Variants in SLC6A13 observed in about 807,000 individuals in gnomAD.
SLC6A13 encodes solute carrier family 6 member 13.
Under a neutral mutation model 72.9 loss-of-function variants are expected in SLC6A13, and 69 were observed. The observed-to-expected ratio is 0.95, with a 90% CI of 0.78 to 1.16. The LOEUF (loss-of-function observed/expected upper bound fraction) is 1.16. Ranked by LOEUF, SLC6A13 falls within the 50% of genes most tolerant of loss-of-function variation. SLC6A13 has a pLI of 0.00. For synonymous variants in SLC6A13, 303 were observed against 303.0 expected, an observed-to-expected ratio of 1.00 and a Z score of 0.00; for missense variants, 735 against 760.5, an observed-to-expected ratio of 0.97 and a Z score of 0.39.
chr12:250,558 ATACT>A (rs1942497957), intron 2 of SLC6A13, among the ~76,000 whole-genome samples: 1 of 152,284 alleles, frequency 6.6e-6, no homozygotes, highest in South Asian at 2.1e-4. Flanking sequence ...AAAATATTAA[ATACT>A]TAGGAATAAA....
In SLC6A13 at chr12:223,143, G is replaced by A. The variant is rs1941286545; in HGVS notation, c.1403C>T (p.Ala468Val). 3.1e-6 allele frequency: 5 copies of A among 1,610,606 alleles called. No homozygotes were observed. The highest frequency in any genetic ancestry group is 4.2e-6 in the Non-Finnish European group (5 of 1,176,814). ...FVAIFESLCV[A>V]WVYGAKRFYD... ...GAGGAGTCACTCACCGTAAACCCAA[G>A]CCACACAGAGGGACTCGAAGATGGC... The change falls in exon 12 of 15, where the codon GCT becomes GTT. Residue 468 changes from alanine to valine, a missense_variant. Transcript: ENST00000343164.
intron 3 of SLC6A13, 78 bp from the exon 4 acceptor site, chr12:242,832 G>A (rs1285377483): frequency 1.4e-5 from 19 of 1,378,724 alleles, no homozygotes; most frequent in Admixed American, 6.2e-5. Context: ...TATGCGGGAC[G>A]CTGAGGTGAG....
chr12:252,492 T>C (rs1942588987), intron 2 of SLC6A13, among the ~76,000 whole-genome samples: 1 of 152,216 alleles, frequency 6.6e-6, no homozygotes, highest in Non-Finnish European at 1.5e-5. Flanking sequence ...GTGTGGTTTA[T>C]TGTAAGTTAA....
chr12:244,615 G>C (rs1251429656), intron 2 of SLC6A13, among the ~76,000 whole-genome samples: 1 of 152,106 alleles, frequency 6.6e-6, no homozygotes, highest in African/African-American at 2.4e-5. Flanking sequence ...GATTAAACCT[G>C]GGAGTTCGAG....
chr12:223,188 C>T lies in SLC6A13; in HGVS notation c.1358G>A (p.Gly453Asp), dbSNP rs1386169171. Residue 453 changes from glycine (G) to aspartate (D), a missense_variant, in exon 12 of 15, where the codon GGC becomes GAC. By Grantham distance (94) the Gly-to-Asp change is moderately conservative (BLOSUM62 -1). Coordinates refer to ENST00000343164, the MANE Select transcript of SLC6A13 (RefSeq NM_016615.5). ...GATGGCCACGAACAGGAGGCACATGCCACTGGCCGCATAGTAGTCAAAGAG... is the reference window on the plus strand; with the variant it reads ...GATGGCCACGAACAGGAGGCACATGTCACTGGCCGCATAGTAGTCAAAGAG... ...FQLFDYYAAS[G>D]MCLLFVAIFE... 6.2e-7 allele frequency: 1 copy of T among 1,613,802 alleles called. No individual in the cohort carries two copies. Among genetic ancestry groups the T allele is most frequent in the Non-Finnish European group, 8.5e-7 (1 of 1,179,812 alleles).
chr12:249,956 T>C (rs566736159), intron 2 of SLC6A13, among the ~76,000 whole-genome samples: 1 of 152,252 alleles, frequency 6.6e-6, no homozygotes, highest in African/African-American at 2.4e-5. Flanking sequence ...TTTTAAAAAA[T>C]CAACATAGTG....
chr12:232,699 G>A (rs1275937384), intron 7 of SLC6A13, among the ~76,000 whole-genome samples: 1 of 152,190 alleles, frequency 6.6e-6, no homozygotes, highest in Non-Finnish European at 1.5e-5. Context: ...TGCTGTCTGA[G>A]AAATGGGAGA....
intron 11 of SLC6A13, 74 bp downstream of exon 11, chr12:223,918 T>C: frequency 6.4e-7 from 1 of 1,550,510 alleles, no homozygotes; most frequent in Non-Finnish European, 8.9e-7. Flanking sequence ...AGCCAGGGTA[T>C]CTGCCTCACT....
intron 8 of SLC6A13, chr12:226,914 C>T (rs981815603): frequency 3.5e-5 from 6 of 173,460 alleles, no homozygotes; most frequent in Non-Finnish European, 3.7e-5. Context: ...AACTCTTAGT[C>T]GCCTGAATTC....
chr12:242,308 A>G (rs747447692), intron 4 of SLC6A13, among the ~76,000 whole-genome samples: 12 of 152,254 alleles, frequency 7.9e-5, no homozygotes, highest in Non-Finnish European at 1.5e-4. Flanking sequence ...TACGCGAAAC[A>G]AATGAATGAA....
At chr12:231,561 C>T (rs1387106440) in intron 7 of SLC6A13, among the ~76,000 whole-genome samples, 3 of 152,194 alleles carry the variant, frequency 2.0e-5, no homozygotes, top group Non-Finnish European at 4.4e-5. Context: ...GAGAAGAAGG[C>T]TGCTCAGGAC....
chr12:253,867 C>G (rs1467415474), intron 2 of SLC6A13: 1 of 152,268 alleles, frequency 6.6e-6, no homozygotes, highest in African/African-American at 2.4e-5. Flanking sequence ...AGGTTCTTGG[C>G]ACGGGTAACT....
At chr12:221,715 C>T (rs751915487) in intron 13 of SLC6A13, among the ~76,000 whole-genome samples, 169 bp from the exon 14 acceptor site, 2 of 152,206 alleles carry the variant, frequency 1.3e-5, no homozygotes, top group African/African-American at 2.4e-5. Context: ...GCCCAAAACC[C>T]ACACCCTCCA....
At chr12:253,041 G>A (rs933415707) in intron 2 of SLC6A13, among the ~76,000 whole-genome samples, 1 of 152,224 alleles carries the variant, frequency 6.6e-6, no homozygotes, top group African/African-American at 2.4e-5. Context: ...ACCATCAAAA[G>A]ATGAAGTTAG....
intron 4 of SLC6A13, chr12:238,424 C>T (rs1171542704): frequency 1.7e-5 from 16 of 951,930 alleles, no homozygotes; most frequent in Non-Finnish European, 2.2e-5. Context: ...GAATGCTGAC[C>T]CCACGGGTAT....
At chr12:225,281 C>A (rs1299281675) in intron 9 of SLC6A13, among the ~76,000 whole-genome samples, 2 of 152,258 alleles carry the variant, frequency 1.3e-5, no homozygotes, top group African/African-American at 4.8e-5. Flanking sequence ...TTGTGCAGGG[C>A]CTGCCCGCAG....
chr12:242,498 G>T, intron 4 of SLC6A13, 116 bp downstream of exon 4: 2 of 809,824 alleles, frequency 2.5e-6, no homozygotes, highest in Non-Finnish European at 3.7e-6. Context: ...GCTCTCCATG[G>T]TCGACTTGGG....
chr12:252,285 CTAGTT>C (rs1285131979), intron 2 of SLC6A13, among the ~76,000 whole-genome samples: 1 of 152,058 alleles, frequency 6.6e-6, no homozygotes, highest in East Asian at 1.9e-4. Context: ...GAAAAACAAA[CTAGTT>C]TAGTTTGCAT....
At chr12:221,851 G>A (rs528084157) in intron 13 of SLC6A13, among the ~76,000 whole-genome samples, 2 of 152,336 alleles carry the variant, frequency 1.3e-5, no homozygotes, top group Admixed American at 6.5e-5. Flanking sequence ...CTCCTGCACC[G>A]TGAGTTTGGG....
Sources: allele counts gnomAD v4.1 joint callset (sites outside exome capture counted in the v4.1 genomes callset), GRCh38; gene constraint gnomAD v4.1.1; transcripts MANE v1.5; gene names NCBI Gene and HGNC (gene_info 2026-07-23, HGNC 2026-07-21).